Variants in THADA observed in about 807,000 individuals in gnomAD.
The protein encoded by THADA is tRNA (32-2'-O)-methyltransferase regulator THADA.
THADA carries 213 observed loss-of-function variants against 219.8 expected under a neutral mutation model. The ratio of observed to expected loss-of-function variants is 0.97; its 90% CI spans 0.87 to 1.09. THADA has a LOEUF of 1.09. Among genes scored for constraint, THADA ranks in the 50% least tolerant of loss-of-function variants. The pLI, the probability that THADA is intolerant of heterozygous loss-of-function variation, is 0.00. For missense variants in THADA, 2,956 were observed against 2,311.3 expected (o/e 1.28, Z -5.72); for synonymous variants, 1,018 against 828.9 (o/e 1.23, Z -3.92).
intron 22 of THADA, among the ~76,000 whole-genome samples, chr2:43,521,074 G>T (rs893942464): frequency 1.5e-5 from 2 of 136,672 alleles, no homozygotes; most frequent in African/African-American, 5.5e-5. Flanking sequence ...GGAAGGATAG[G>T]AAGGGAAGGA....
At chr2:43,259,413 C>T (rs958415045) in intron 36 of THADA, among the ~76,000 whole-genome samples, 11 of 152,250 alleles carry the variant, frequency 7.2e-5, no homozygotes, top group African/African-American at 2.7e-4. Flanking sequence ...CCGCTCCCTG[C>T]CAGTCCATCC....
At chr2:43,503,090 G>C (rs1381106751) in intron 24 of THADA, among the ~76,000 whole-genome samples, 1 of 152,164 alleles carries the variant, frequency 6.6e-6, no homozygotes, top group Admixed American at 6.5e-5. Flanking sequence ...GTGTTGATAA[G>C]CAATGGAAAC....
intron 36 of THADA, among the ~76,000 whole-genome samples, chr2:43,235,806 TGCA>T (rs1667968006): frequency 6.6e-6 from 1 of 151,322 alleles, no homozygotes; most frequent in South Asian, 2.1e-4. Flanking sequence ...GCCTCTATCC[TGCA>T]CCATTTTTTT....
chr2:43,452,695 C>A (rs546627600), intron 26 of THADA, among the ~76,000 whole-genome samples: 5 of 152,130 alleles, frequency 3.3e-5, no homozygotes, highest in Admixed American at 1.3e-4. Context: ...GCTTCTACTC[C>A]GACACACTGA....
At chr2:43,304,673 A>ATTTTTTT in intron 31 of THADA, among the ~76,000 whole-genome samples, 1 of 140,382 alleles carries the variant, frequency 7.1e-6, no homozygotes, top group Non-Finnish European at 1.6e-5. Flanking sequence ...AGCAGACTTC[A>ATTTTTTT]TTTTTTTTTT....
At chr2:43,490,267 G>A (rs1441611537) in intron 25 of THADA, among the ~76,000 whole-genome samples, 1 of 152,068 alleles carries the variant, frequency 6.6e-6, no homozygotes, top group African/African-American at 2.4e-5. Context: ...CTATATTTAA[G>A]ATCATGTCAT....
intron 29 of THADA, among the ~76,000 whole-genome samples, chr2:43,367,162 G>C (rs1670252624): frequency 3.3e-5 from 5 of 152,172 alleles, no homozygotes; most frequent in Admixed American, 3.3e-4. Flanking sequence ...TAGAATGGTA[G>C]TTGCTAGGGG....
intron 19 of THADA, among the ~76,000 whole-genome samples, chr2:43,550,772 A>T (rs1696652913): frequency 6.6e-6 from 1 of 152,208 alleles, no homozygotes; most frequent in Non-Finnish European, 1.5e-5. Flanking sequence ...AATATTAGCT[A>T]TAAGATTGCA....
Position 43,577,102 on chromosome 2 carries a change from G to C in THADA, c.957C>G (p.Asp319Glu). ...FLCQGTLAML[D>E]WQNGSMGRSG... ...TCCGACCCATGCTTCCGTTCTGCCA[G>C]TCCAACATGGCAAGTGTCCCCTGAC... The change falls in exon 10 of 38, where the codon GAC becomes GAG. Residue 319 changes from aspartate (D) to glutamate (E), a missense_variant. Asp to Glu is a conservative substitution (Grantham distance 45). Coordinates refer to ENST00000405975, the MANE Select transcript of THADA (RefSeq NM_022065.5). The C allele has an allele frequency of 6.2e-7, 1 of 1,613,350 alleles. No homozygotes were observed. Among genetic ancestry groups the C allele is most frequent in the Non-Finnish European group, 8.5e-7 (1 of 1,179,698 alleles).
intron 31 of THADA, among the ~76,000 whole-genome samples, chr2:43,293,802 C>G (rs1350348468): frequency 6.6e-6 from 1 of 152,212 alleles, no homozygotes; most frequent in Non-Finnish European, 1.5e-5. Context: ...AACATTCCTA[C>G]TTCCTTCCTC....
At chr2:43,245,737 C>G (rs918331518) in intron 36 of THADA, among the ~76,000 whole-genome samples, 1 of 152,196 alleles carries the variant, frequency 6.6e-6, no homozygotes, top group Non-Finnish European at 1.5e-5. Context: ...ACTGTAAACA[C>G]AGCACAGAGC....
At chr2:43,390,721 A>T (rs922512437) in intron 29 of THADA, among the ~76,000 whole-genome samples, 1 of 152,222 alleles carries the variant, frequency 6.6e-6, no homozygotes, top group Admixed American at 6.5e-5. Flanking sequence ...GCTGGAATAT[A>T]AGTACACTGA....
At chr2:43,582,926 T>C (rs1440029197) in intron 7 of THADA, among the ~76,000 whole-genome samples, 2 of 152,096 alleles carry the variant, frequency 1.3e-5, no homozygotes, top group Non-Finnish European at 2.9e-5. Flanking sequence ...TCACCAGCAC[T>C]CCTTCTCGGA....
intron 4 of THADA, among the ~76,000 whole-genome samples, chr2:43,588,680 T>A (rs1328805668): frequency 1.3e-5 from 2 of 152,128 alleles, no homozygotes. Context: ...ATTTAAAGAT[T>A]GATAGTATCC....
intron 22 of THADA, among the ~76,000 whole-genome samples, chr2:43,524,549 T>G (rs930635636): frequency 1.3e-5 from 2 of 152,202 alleles, no homozygotes; most frequent in African/African-American, 4.8e-5. Flanking sequence ...CTAAACAACT[T>G]TTTCATAACT....
chr2:43,576,188 C>A (rs1699838439), intron 10 of THADA, among the ~76,000 whole-genome samples: 1 of 152,168 alleles, frequency 6.6e-6, no homozygotes, highest in South Asian at 2.1e-4. Flanking sequence ...CTGAATTGTA[C>A]ACTTCAAATT....
chr2:43,445,541 G>A (rs1681412248), intron 26 of THADA, among the ~76,000 whole-genome samples: 1 of 152,252 alleles, frequency 6.6e-6, no homozygotes, highest in Non-Finnish European at 1.5e-5. Context: ...GCCCTTTCAG[G>A]CAGACCATGT....
intron 22 of THADA, among the ~76,000 whole-genome samples, chr2:43,521,233 A>AAGGC (rs1221865790): frequency 8.2e-6 from 1 of 121,306 alleles, no homozygotes; most frequent in African/African-American, 3.3e-5. Context: ...GGCAGACAAG[A>AAGGC]AGGCAGGCAG....
At chr2:43,417,044 T>TTC (rs1558726916) in intron 28 of THADA, among the ~76,000 whole-genome samples, 1 of 149,332 alleles carries the variant, frequency 6.7e-6, no homozygotes, top group African/African-American at 2.5e-5. Flanking sequence ...TTTCTTTTTT[T>TTC]TTTTTTTTTT....
Sources: gnomAD v4.1 joint callset for allele counts (sites outside exome capture counted in the v4.1 genomes callset) on GRCh38, gnomAD v4.1.1 for gene constraint, MANE v1.5 for transcripts, NCBI Gene and HGNC (gene_info 2026-07-23, HGNC 2026-07-21) for gene names.